The following PAPPA2 variants were observed in gnomAD, a reference collection of about 807,000 sequenced individuals.
The protein encoded by PAPPA2 is pappalysin 2, also known as pappalysin-2.
In PAPPA2, 86 loss-of-function variants were observed where a neutral mutation model predicts 176.4. The ratio of observed to expected loss-of-function variants is 0.49; its 90% confidence interval spans 0.41 to 0.58. The LOEUF (loss-of-function observed/expected upper bound fraction) is 0.58, where lower values mean the gene tolerates loss of function less well. PAPPA2 is among the 20% of genes least tolerant of loss of function. PAPPA2 has a pLI of 0.00. For missense variants in PAPPA2, 2,073 were observed against 2,256.9 expected, an observed-to-expected ratio of 0.92 and a Z score of 1.65; for synonymous variants, 809 against 852.2, an observed-to-expected ratio of 0.95 and a Z score of 0.88.
chr1:176,755,817 G>C (rs1462567426), intron 14 of PAPPA2, among the ~76,000 whole-genome samples: 1 of 152,072 alleles, frequency 6.6e-6, no homozygotes, highest in East Asian at 1.9e-4. Flanking sequence ...GCCTGCTGTT[G>C]ACTGGAAGCA....
chr1:176,667,986 A>C (rs1658764875), intron 3 of PAPPA2, among the ~76,000 whole-genome samples: 1 of 152,154 alleles, frequency 6.6e-6, no homozygotes, highest in African/African-American at 2.4e-5. Context: ...GGGGCATGGC[A>C]GAAGCCAGAG....
intron 3 of PAPPA2, among the ~76,000 whole-genome samples, chr1:176,630,669 A>T (rs1035522856): frequency 6.6e-6 from 1 of 152,190 alleles, no homozygotes; most frequent in Non-Finnish European, 1.5e-5. Flanking sequence ...AAAAAGATGG[A>T]TATAGGAAAC....
chr1:176,540,236 T>C (rs1650297558), intron 1 of PAPPA2, among the ~76,000 whole-genome samples: 1 of 152,190 alleles, frequency 6.6e-6, no homozygotes, highest in Admixed American at 6.5e-5. Context: ...CTGCAAGACA[T>C]TGCAATAAAT....
intron 21 of PAPPA2, among the ~76,000 whole-genome samples, chr1:176,805,636 C>T (rs547856758): frequency 6.6e-6 from 1 of 152,114 alleles, no homozygotes; most frequent in Non-Finnish European, 1.5e-5. Flanking sequence ...GTGATACTGC[C>T]TAAGGAATGA....
chr1:176,568,980 C>T (rs995250620), intron 2 of PAPPA2, among the ~76,000 whole-genome samples: 1 of 152,184 alleles, frequency 6.6e-6, no homozygotes, highest in African/African-American at 2.4e-5. Flanking sequence ...CTTAAGGTGT[C>T]ATATGAGACC....
At chr1:176,815,438 A>G (rs1452878353) in intron 21 of PAPPA2, among the ~76,000 whole-genome samples, 1 of 152,130 alleles carries the variant, frequency 6.6e-6, no homozygotes, top group Non-Finnish European at 1.5e-5. Flanking sequence ...AGCCTCTCTC[A>G]GCAGAGGCCA....
intron 21 of PAPPA2, among the ~76,000 whole-genome samples, chr1:176,824,350 C>A (rs1183621012): frequency 1.3e-5 from 2 of 152,294 alleles, no homozygotes; most frequent in African/African-American, 2.4e-5. Context: ...TATACTGCCA[C>A]ACACACAATC....
At chr1:176,665,242 A>G (rs976524055) in intron 3 of PAPPA2, among the ~76,000 whole-genome samples, 1 of 152,178 alleles carries the variant, frequency 6.6e-6, no homozygotes, top group Non-Finnish European at 1.5e-5. Flanking sequence ...TTATCCTCAT[A>G]CAATGTACCT....
At position 176,492,670 on chromosome 1, in the gene PAPPA2, A is replaced by T. The variant is rs1217750984; in HGVS notation, c.-917+29252A>T. On this transcript the variant is annotated intron_variant, in intron 1 of 22. Transcript: ENST00000367662. Reference sequence around the variant, plus strand: ...GTGGCTACTCTTTCACGTTGGAGAGATGTTCAGATTTGAAAGTAAGCTAGC... The same window carrying T: ...GTGGCTACTCTTTCACGTTGGAGAGTTGTTCAGATTTGAAAGTAAGCTAGC... Among the ~76,000 whole-genome samples the T allele has an allele frequency of 2.0e-5, 3 of 152,158 alleles. No homozygotes were observed. The East Asian group carries it at 5.8e-4, about 29-fold the overall frequency.
intron 14 of PAPPA2, among the ~76,000 whole-genome samples, chr1:176,745,657 A>T (rs1662872035): frequency 6.6e-6 from 1 of 152,230 alleles, no homozygotes; most frequent in South Asian, 2.1e-4. Context: ...TGATAAAGGG[A>T]GCAACCATTA....
chr1:176,556,087 A>T lies in PAPPA2; in HGVS notation c.-236A>T, dbSNP rs1651264839. The T allele has an allele frequency of 3.7e-6, 2 of 546,482 alleles. No homozygotes were observed. Among genetic ancestry groups the T allele is most frequent in the Admixed American group, 6.7e-5 (2 of 29,946 alleles). 33.9% of individuals were successfully genotyped at this position (546,482 alleles called of 1,614,324 possible). On this transcript the variant is annotated 5_prime_UTR_variant, in exon 2 of 23. Transcript: ENST00000367662. The stretch of plus-strand genomic sequence containing the variant: ...AGCAAGAGGAGAGAGGTCAAGCGAG[A>T]AGCGTGCGGGAAGCACATGCCCTGG...
intron 1 of PAPPA2, among the ~76,000 whole-genome samples, chr1:176,503,537 G>A (rs920241945): frequency 5.3e-5 from 8 of 152,048 alleles, no homozygotes; most frequent in African/African-American, 1.9e-4. Context: ...TTTAAGAGAT[G>A]GTTAATTAGA....
intron 21 of PAPPA2, among the ~76,000 whole-genome samples, chr1:176,828,302 T>C (rs1030741918): frequency 3.3e-5 from 5 of 152,282 alleles, no homozygotes; most frequent in African/African-American, 7.2e-5. Flanking sequence ...TGTACAAACC[T>C]TGTAGTACAC....
At chr1:176,496,108 A>ATTT (rs1383953489) in intron 1 of PAPPA2, among the ~76,000 whole-genome samples, 3 of 152,172 alleles carry the variant, frequency 2.0e-5, no homozygotes, top group African/African-American at 7.2e-5. Context: ...TATTATTATT[A>ATTT]TACTTTAAGT....
chr1:176,805,090 C>CCTTT (rs1199086010), intron 21 of PAPPA2, among the ~76,000 whole-genome samples: 2 of 126,896 alleles, frequency 1.6e-5, no homozygotes, highest in African/African-American at 5.6e-5. Flanking sequence ...TTCCTTCCTT[C>CCTTT]CTTTTATTTT....
intron 14 of PAPPA2, among the ~76,000 whole-genome samples, chr1:176,752,373 C>T (rs914532838): frequency 1.0e-4 from 15 of 147,380 alleles, no homozygotes; most frequent in Middle Eastern, 6.6e-3. Context: ...AAACATTTAC[C>T]ATTAGGCTGT....
chr1:176,651,968 T>A (rs1657749973), intron 3 of PAPPA2, among the ~76,000 whole-genome samples: 1 of 151,710 alleles, frequency 6.6e-6, no homozygotes. Flanking sequence ...TATTTCTCAG[T>A]TCCAACATTT....
At chr1:176,749,082 A>ATTTGAC (rs1553403209) in intron 14 of PAPPA2, among the ~76,000 whole-genome samples, 6 of 152,204 alleles carry the variant, frequency 3.9e-5, no homozygotes, top group Non-Finnish European at 8.8e-5. Context: ...TCATACACAT[A>ATTTGAC]CACCAATGTG....
At chr1:176,524,538 A>G (rs550850401) in intron 1 of PAPPA2, among the ~76,000 whole-genome samples, 49 of 152,338 alleles carry the variant, frequency 3.2e-4, no homozygotes, top group African/African-American at 8.7e-4. Flanking sequence ...ATAGAATACT[A>G]TTATTTTTGG....
Sources: allele counts gnomAD v4.1 joint callset (sites outside exome capture counted in the v4.1 genomes callset), GRCh38; gene constraint gnomAD v4.1.1; transcripts MANE v1.5; gene names NCBI Gene and HGNC (gene_info 2026-07-23, HGNC 2026-07-21).